The following RBFOX1 variants were observed in gnomAD, a reference collection of about 807,000 sequenced individuals.
The protein encoded by RBFOX1 is RNA binding protein fox-1 homolog 1.
In RBFOX1, 8 loss-of-function variants were observed where a neutral mutation model predicts 57.7. The observed-to-expected ratio is 0.14, with a 90% CI of 0.08 to 0.25. The LOEUF is 0.25. Ranked by LOEUF, RBFOX1 falls within the 10% of genes least tolerant of loss-of-function variation. The pLI is 1.00. For missense variants in RBFOX1, 611 were observed against 548.5 expected (o/e 1.11, Z -1.14); for synonymous variants, 326 against 222.4 (o/e 1.47, Z -4.15).
At chr16:7,343,763 T>A (rs1277962203) in intron 4 of RBFOX1, among the ~76,000 whole-genome samples, 1 of 152,014 alleles carries the variant, frequency 6.6e-6, no homozygotes, top group African/African-American at 2.4e-5. Context: ...GCTGCAACCA[T>A]TGAGGCCTCC....
chr16:6,803,657 A>T (rs537072820), intron 3 of RBFOX1, among the ~76,000 whole-genome samples: 1 of 152,234 alleles, frequency 6.6e-6, no homozygotes, highest in African/African-American at 2.4e-5. Flanking sequence ...TTCACCATTA[A>T]TAATTTCTCC....
chr16:6,996,333 G>C (rs1568285273), intron 3 of RBFOX1, among the ~76,000 whole-genome samples: 1 of 152,046 alleles, frequency 6.6e-6, no homozygotes, highest in East Asian at 1.9e-4. Context: ...TTGATATTCG[G>C]ACAGCTCTTT....
intron 3 of RBFOX1, among the ~76,000 whole-genome samples, chr16:5,846,634 C>T (rs1199326793): frequency 1.3e-5 from 2 of 152,152 alleles, no homozygotes; most frequent in Non-Finnish European, 2.9e-5. Flanking sequence ...ACAGCAAGAC[C>T]CTGCTTCTCT....
chr16:5,280,708 A>G (rs2063250215), intron 1 of RBFOX1, among the ~76,000 whole-genome samples: 2 of 152,156 alleles, frequency 1.3e-5, no homozygotes, highest in Admixed American at 1.3e-4. Flanking sequence ...AGGTTTTCCA[A>G]TTTGTTAGCA....
At chr16:6,570,382 G>T (rs1056800918) in intron 2 of RBFOX1, among the ~76,000 whole-genome samples, 1 of 152,044 alleles carries the variant, frequency 6.6e-6, no homozygotes, top group African/African-American at 2.4e-5. Flanking sequence ...AAGTAAAATC[G>T]AGAATTTTTT....
At chr16:5,493,613 A>G (rs1188118492) in intron 2 of RBFOX1, among the ~76,000 whole-genome samples, 4 of 152,238 alleles carry the variant, frequency 2.6e-5, no homozygotes, top group African/African-American at 9.6e-5. Context: ...GGCAAATGTA[A>G]TAAGAGCTGA....
At chr16:6,202,873 A>C (rs1250089443) in intron 1 of RBFOX1, among the ~76,000 whole-genome samples, 1 of 152,066 alleles carries the variant, frequency 6.6e-6, no homozygotes, top group Admixed American at 6.6e-5. Flanking sequence ...CGGCAGCTCA[A>C]ATATTCCTCC....
rs534123891 is a variant in RBFOX1 at position 7,168,695 on chromosome 16, C to A, written c.27+116597C>A. 8.4e-4 allele frequency among the ~76,000 whole-genome samples: 128 copies of A among 152,224 alleles called. 1 individual carries two copies. The highest frequency in any genetic ancestry group is 2.9e-3 in the African/African-American group (122 of 41,532). On this transcript the variant is annotated intron_variant, in intron 4 of 15. Coordinates refer to ENST00000550418, the MANE Select transcript of RBFOX1 (RefSeq NM_018723.4). Reference sequence around the variant, plus strand: ...CCATAACTTCCTTTCCTTCCTGTTACAAATTTTCTTCCTAGATTTACTCTT... The same window carrying A: ...CCATAACTTCCTTTCCTTCCTGTTAAAAATTTTCTTCCTAGATTTACTCTT...
At chr16:7,566,395 G>A (rs1211183180) in intron 5 of RBFOX1, among the ~76,000 whole-genome samples, 1 of 152,154 alleles carries the variant, frequency 6.6e-6, no homozygotes, top group Non-Finnish European at 1.5e-5. Flanking sequence ...GTACTTTGCA[G>A]CTGCTCTACG....
intron 4 of RBFOX1, among the ~76,000 whole-genome samples, chr16:7,171,741 T>C (rs1010217862): frequency 6.6e-6 from 1 of 152,238 alleles, no homozygotes; most frequent in Non-Finnish European, 1.5e-5. Flanking sequence ...AGAACTGTAA[T>C]AACTCATTAT....
chr16:5,514,904 C>T (rs1266762210), intron 2 of RBFOX1, among the ~76,000 whole-genome samples: 1 of 152,126 alleles, frequency 6.6e-6, no homozygotes, highest in African/African-American at 2.4e-5. Flanking sequence ...TTATTTGGCT[C>T]ATGGTTCTGC....
intron 2 of RBFOX1, among the ~76,000 whole-genome samples, chr16:6,351,930 G>C (rs1047861009): frequency 1.3e-5 from 2 of 152,170 alleles, no homozygotes; most frequent in African/African-American, 2.4e-5. Context: ...GTATACGGGA[G>C]ATGCTGTAAC....
intron 3 of RBFOX1, among the ~76,000 whole-genome samples, chr16:6,865,096 G>A (rs2142903565): frequency 7.2e-6 from 1 of 139,578 alleles, no homozygotes; most frequent in East Asian, 2.2e-4. Flanking sequence ...TCCGCCTCCT[G>A]GGTTCAAGCA....
rs116419984 is a variant in RBFOX1, at chr16:7,132,783, A to G, written c.27+80685A>G. Among the ~76,000 whole-genome samples the G allele has an allele frequency of 5.7e-4, 87 of 152,044 alleles. 1 individual carries two copies. Among genetic ancestry groups the G allele is most frequent in the African/African-American group, 2.0e-3 (84 of 41,456 alleles). On this transcript the variant is annotated intron_variant, in intron 4 of 15. Transcript: ENST00000550418. ...TTATATAGCTATTTCAAATACTGAA[A>G]CTCTTAGAAACAGTGGGCTTATCAA...
chr16:6,835,034 A>C (rs2092988284), intron 3 of RBFOX1, among the ~76,000 whole-genome samples: 1 of 151,522 alleles, frequency 6.6e-6, no homozygotes, highest in Non-Finnish European at 1.5e-5. Context: ...CTGGGACTGT[A>C]GGCGCCCAAC....
intron 1 of RBFOX1, among the ~76,000 whole-genome samples, chr16:6,052,835 A>ATAATAATAATAATAATAT (rs1420538281): frequency 6.7e-6 from 1 of 148,718 alleles, no homozygotes; most frequent in Admixed American, 6.8e-5. Flanking sequence ...AATAATAATA[A>ATAATAATAATAATAATAT]TATTAATGCC....
intron 11 of RBFOX1, among the ~76,000 whole-genome samples, chr16:7,641,087 G>C (rs949956857): frequency 2.0e-5 from 3 of 152,124 alleles, no homozygotes; most frequent in Admixed American, 6.5e-5. Context: ...TGGGTCTACA[G>C]AGCTGGGAAG....
chr16:7,051,370 A>G (rs1329673938), intron 3 of RBFOX1, among the ~76,000 whole-genome samples: 4 of 152,216 alleles, frequency 2.6e-5, no homozygotes, highest in Non-Finnish European at 5.9e-5. Flanking sequence ...TGGCCACTCC[A>G]AAGAAGCGTC....
intron 4 of RBFOX1, among the ~76,000 whole-genome samples, chr16:7,226,490 G>C (rs1030102543): frequency 1.3e-5 from 2 of 152,172 alleles, no homozygotes; most frequent in African/African-American, 4.8e-5. Flanking sequence ...TTGATGCTGT[G>C]TACATTCTGA....
Sources: gnomAD v4.1 joint callset for allele counts (sites outside exome capture counted in the v4.1 genomes callset) on GRCh38, gnomAD v4.1.1 for gene constraint, MANE v1.5 for transcripts, NCBI Gene and HGNC (gene_info 2026-07-23, HGNC 2026-07-21) for gene names.